The following NLK variants were observed in gnomAD, a reference collection of about 807,000 sequenced individuals.
The protein encoded by NLK is serine/threonine-protein kinase NLK.
Under a neutral mutation model 59.0 loss-of-function variants are expected in NLK, and 11 were observed. That is an observed-to-expected ratio of 0.19 (90% CI 0.12 to 0.31). The LOEUF (loss-of-function observed/expected upper bound fraction) is 0.31, where lower values mean the gene tolerates loss of function less well. Ranked by LOEUF, NLK falls within the 10% of genes least tolerant of loss-of-function variation. The probability of loss-of-function intolerance (pLI) is 1.00; values close to 1 mark genes in which losing one functional copy is unlikely to be tolerated. For missense variants in NLK, 410 were observed against 661.1 expected (o/e 0.62, Z 4.16); for synonymous variants, 235 against 235.9 (o/e 1.00, Z 0.03).
At chr17:28,063,273 T>G (rs963072516) in intron 1 of NLK, among the ~76,000 whole-genome samples, 1 of 152,192 alleles carries the variant, frequency 6.6e-6, no homozygotes, top group Admixed American at 6.5e-5. Context: ...CTTTTTCTCT[T>G]TGTTACATTG....
chr17:28,201,361 G>T (rs1421679315), downstream of NLK, among the ~76,000 whole-genome samples: 1 of 149,266 alleles, frequency 6.7e-6, no homozygotes, highest in East Asian at 2.0e-4. Context: ...GGCATTACAG[G>T]CATGAGCAAC....
At chr17:28,145,448 T>G (rs1396418621) in intron 3 of NLK, among the ~76,000 whole-genome samples, 1 of 152,218 alleles carries the variant, frequency 6.6e-6, no homozygotes, top group Non-Finnish European at 1.5e-5. Context: ...CTAGTACTTT[T>G]AATTGTTCCC....
At chr17:28,187,121 A>T (rs575675317) in intron 8 of NLK, among the ~76,000 whole-genome samples, 1 of 152,236 alleles carries the variant, frequency 6.6e-6, no homozygotes, top group Non-Finnish European at 1.5e-5. Flanking sequence ...CTGTCTGACC[A>T]TAGAGGATTT....
chr17:28,151,984 G>T (rs1907499400), intron 3 of NLK, among the ~76,000 whole-genome samples: 1 of 152,146 alleles, frequency 6.6e-6, no homozygotes, highest in Non-Finnish European at 1.5e-5. Context: ...TATTCATTTT[G>T]AATACCTTTT....
At chr17:28,084,725 G>A (rs1343317115) in intron 1 of NLK, among the ~76,000 whole-genome samples, 3 of 152,024 alleles carry the variant, frequency 2.0e-5, no homozygotes, top group Admixed American at 6.6e-5. Flanking sequence ...CACCATGCCC[G>A]GCTAATTTTT....
chr17:28,078,108 G>A (rs545933467), intron 1 of NLK, among the ~76,000 whole-genome samples: 1 of 151,948 alleles, frequency 6.6e-6, no homozygotes, highest in Non-Finnish European at 1.5e-5. Flanking sequence ...TTATGAAATG[G>A]TATACTGCTT....
In NLK at chr17:28,128,256, CTA is replaced by C. The variant is rs1476168853; in HGVS notation, c.589-4362_589-4361del. ...CCATAAAAAATTGTTTAATTGGACA[CTA>C]TTAATGTTAATTTCTATTAACATTA... On this transcript the variant is annotated intron_variant, in intron 2 of 10. Transcript: ENST00000407008. Among the ~76,000 whole-genome samples the C allele has an allele frequency of 2.0e-5, 3 of 152,168 alleles. No homozygotes were observed. In the East Asian group the frequency reaches 5.8e-4, roughly 29 times the overall value.
intron 4 of NLK, among the ~76,000 whole-genome samples, chr17:28,162,266 C>T (rs774280908): frequency 4.6e-5 from 7 of 152,184 alleles, no homozygotes; most frequent in Non-Finnish European, 8.8e-5. Context: ...CCTCCTGCCT[C>T]GGCCTCCCAA....
chr17:28,167,476 C>T (rs1340099121), intron 5 of NLK, among the ~76,000 whole-genome samples: 1 of 151,748 alleles, frequency 6.6e-6, no homozygotes, highest in Non-Finnish European at 1.5e-5. Flanking sequence ...CCTGATCTCT[C>T]AAGCAGTCCT....
chr17:28,151,382 T>G (rs1379534688), intron 3 of NLK, among the ~76,000 whole-genome samples: 1 of 152,210 alleles, frequency 6.6e-6, no homozygotes, highest in Non-Finnish European at 1.5e-5. Flanking sequence ...AAGAAAATTT[T>G]AAAATGTTGG....
chr17:28,074,154 C>A (rs973164723), intron 1 of NLK, among the ~76,000 whole-genome samples: 1 of 152,186 alleles, frequency 6.6e-6, no homozygotes, highest in African/African-American at 2.4e-5. Flanking sequence ...TGTTATCTTA[C>A]AATCTCCAGA....
chr17:28,071,059 T>C (rs9908603), intron 1 of NLK, among the ~76,000 whole-genome samples: 60 of 152,200 alleles, frequency 3.9e-4, no homozygotes, highest in African/African-American at 5.8e-4. Flanking sequence ...CTATGTATTA[T>C]AGGATGTTCA....
At chr17:28,192,271 C>G in intron 10 of NLK, 58 bp downstream of exon 10, 1 of 877,844 alleles carries the variant, frequency 1.1e-6, no homozygotes. Flanking sequence ...GCCAGTGTTA[C>G]TTCATTATTC....
At chr17:28,119,511 T>C (rs1455520078) in intron 1 of NLK, among the ~76,000 whole-genome samples, 1 of 152,174 alleles carries the variant, frequency 6.6e-6, no homozygotes, top group Non-Finnish European at 1.5e-5. Flanking sequence ...TAGGAAGAAG[T>C]ATTGTATGAG....
rs776879468 is a variant in NLK, at chr17:28,191,194, C to T, written c.1410C>T (p.Asn470=). The T allele has an allele frequency of 1.9e-6, 3 of 1,612,308 alleles. No homozygotes were observed. Among genetic ancestry groups the T allele is most frequent in the Non-Finnish European group, 2.5e-6 (3 of 1,179,354 alleles). Residue 470 remains asparagine (N), a synonymous_variant, in exon 9 of 11, where the codon AAC becomes AAT. Transcript: ENST00000407008. ...AATTTGATGACACTTTCGAGAAGAA[C>T]CTCAGTTCTGTCCGACAGGTTAAAG... ...NPKFDDTFEK[N]LSSVRQVKEI...
chr17:28,043,469 A>T, intron 1 of NLK, 138 bp downstream of exon 1: 1 of 739,238 alleles, frequency 1.4e-6, no homozygotes, highest in East Asian at 2.7e-5. Flanking sequence ...AGCCACCCTC[A>T]CTTATGTGGT....
At chr17:28,099,298 AC>A (rs1456079973) in intron 1 of NLK, among the ~76,000 whole-genome samples, 2 of 152,048 alleles carry the variant, frequency 1.3e-5, no homozygotes, top group Non-Finnish European at 2.9e-5. Flanking sequence ...AACAAAATTC[AC>A]CTATCTGTGA....
Position 28,043,102 on chromosome 17 carries a change from G to C in NLK, c.229G>C (p.Ala77Pro). Reference sequence around the variant, plus strand: ...CTCTTCGGCAGCTGCGGCAGCCGCAGCAGCGGCTGCAGCTGCAGCCATGTT... The same window carrying C: ...CTCTTCGGCAGCTGCGGCAGCCGCACCAGCGGCTGCAGCTGCAGCCATGTT... The part of the protein sequence containing the change: ...HTSSAAAAAA[A>P]AAAAAAMLNP... Residue 77 changes from alanine (A) to proline (P), a missense_variant, in exon 1 of 11, where the codon GCA becomes CCA. Coordinates refer to ENST00000407008, the MANE Select transcript of NLK (RefSeq NM_016231.5). The C allele has an allele frequency of 6.3e-7, 1 of 1,584,706 alleles. No individual in the cohort carries two copies. The highest frequency in any genetic ancestry group is 8.6e-7 in the Non-Finnish European group (1 of 1,165,646).
chr17:28,106,862 CT>C (rs1905161916), intron 1 of NLK, among the ~76,000 whole-genome samples: 2 of 152,114 alleles, frequency 1.3e-5, no homozygotes, highest in African/African-American at 4.8e-5. Flanking sequence ...TTTTGTTCAA[CT>C]CTACATGCCA....
Sources: allele counts gnomAD v4.1 joint callset (sites outside exome capture counted in the v4.1 genomes callset), GRCh38; gene constraint gnomAD v4.1.1; transcripts MANE v1.5; gene names NCBI Gene and HGNC (gene_info 2026-07-23, HGNC 2026-07-21).